The following RNF180 variants were observed in gnomAD, a reference collection of about 807,000 sequenced individuals.
RNF180 encodes E3 ubiquitin-protein ligase RNF180.
Under a neutral mutation model 59.2 loss-of-function variants are expected in RNF180, and 38 were observed. The ratio of observed to expected loss-of-function variants is 0.64; its 90% confidence interval spans 0.50 to 0.84. The LOEUF is 0.84. Ranked by LOEUF, RNF180 falls within the 40% of genes least tolerant of loss-of-function variation. The probability of loss-of-function intolerance (pLI) is 0.00; values close to 1 mark genes in which losing one functional copy is unlikely to be tolerated. For synonymous variants in RNF180, 262 were observed against 240.3 expected, an observed-to-expected ratio of 1.09 and a Z score of -0.84; for missense variants, 705 against 700.9, an observed-to-expected ratio of 1.01 and a Z score of -0.07.
intron 7 of RNF180, among the ~76,000 whole-genome samples, chr5:64,350,071 G>A (rs1745733647): frequency 6.6e-6 from 1 of 152,134 alleles, no homozygotes. Flanking sequence ...ATCCTCCCCA[G>A]AACCTGTTGT....
chr5:64,272,310 A>C (rs1404656125), intron 5 of RNF180, among the ~76,000 whole-genome samples: 1 of 152,072 alleles, frequency 6.6e-6, no homozygotes, highest in East Asian at 1.9e-4. Context: ...AATGAGTAGG[A>C]GTTAACTAGG....
At chr5:64,197,431 C>G (rs1175792285) in intron 1 of RNF180, among the ~76,000 whole-genome samples, 1 of 152,138 alleles carries the variant, frequency 6.6e-6, no homozygotes, top group African/African-American at 2.4e-5. Flanking sequence ...GCCTTTTTCA[C>G]TGTATTGACA....
chr5:64,234,012 G>T (rs1461902164), intron 5 of RNF180, among the ~76,000 whole-genome samples: 4 of 152,218 alleles, frequency 2.6e-5, no homozygotes, highest in African/African-American at 7.2e-5. Context: ...AGTTAGAAAT[G>T]TCAGTAGTTT....
At chr5:64,351,620 T>C (rs187217561) in intron 7 of RNF180, among the ~76,000 whole-genome samples, 4,096 of 151,842 alleles carry the variant, frequency 0.027, 144 homozygotes, top group Non-Finnish European at 0.04. Flanking sequence ...TGAATGGTTG[T>C]TGAATTTTGT....
intron 1 of RNF180, among the ~76,000 whole-genome samples, chr5:64,175,170 T>TTGC (rs906854299): frequency 2.0e-5 from 3 of 152,044 alleles, no homozygotes; most frequent in African/African-American, 7.2e-5. Flanking sequence ...TTTCTCCATG[T>TTGC]TGGTCAGGCT....
At chr5:64,261,283 G>A (rs370748592) in intron 5 of RNF180, among the ~76,000 whole-genome samples, 1 of 152,046 alleles carries the variant, frequency 6.6e-6, no homozygotes, top group African/African-American at 2.4e-5. Flanking sequence ...ATTATAAATG[G>A]TGGCTATACC....
chr5:64,299,552 T>C (rs1051447347), intron 5 of RNF180, among the ~76,000 whole-genome samples: 2 of 152,004 alleles, frequency 1.3e-5, no homozygotes, highest in Admixed American at 1.3e-4. Context: ...AAAAATTGAT[T>C]TAAATATCTA....
chr5:64,301,763 G>A (rs150530845), intron 5 of RNF180, among the ~76,000 whole-genome samples: 54 of 150,414 alleles, frequency 3.6e-4, no homozygotes, highest in African/African-American at 1.3e-3. Flanking sequence ...TCTTGGCAAG[G>A]GTAAAAGTCA....
chr5:64,325,160 GA>G (rs1177939680), intron 5 of RNF180, 25 bp from the exon 6 acceptor site: 11 of 1,464,244 alleles, frequency 7.5e-6, no homozygotes, highest in Middle Eastern at 3.4e-4. Flanking sequence ...ACTAAATTAA[GA>G]AAAAAGTTTT....
At chr5:64,343,461 G>T (rs1004483851) in intron 7 of RNF180, among the ~76,000 whole-genome samples, 2 of 151,948 alleles carry the variant, frequency 1.3e-5, no homozygotes, top group Non-Finnish European at 2.9e-5. Flanking sequence ...TAATTGTCAA[G>T]AATTTTCCAA....
intron 5 of RNF180, among the ~76,000 whole-genome samples, chr5:64,265,123 T>C (rs1267648290): frequency 6.6e-6 from 1 of 152,234 alleles, no homozygotes; most frequent in Non-Finnish European, 1.5e-5. Context: ...ATTCTGGATA[T>C]TAGCCCTCTG....
intron 5 of RNF180, among the ~76,000 whole-genome samples, chr5:64,245,980 T>A (rs1248827267): frequency 6.6e-6 from 1 of 152,164 alleles, no homozygotes; most frequent in Non-Finnish European, 1.5e-5. Context: ...CACAACTACA[T>A]GGCAACTGAA....
In RNF180 at chr5:64,371,270, A is replaced by T. The variant is rs1201717365; in HGVS notation, c.*1456A>T. On this transcript the variant is annotated 3_prime_UTR_variant, in exon 8 of 8. Coordinates refer to ENST00000389100, the MANE Select transcript of RNF180 (RefSeq NM_001113561.2). Reference sequence around the variant, plus strand: ...GAAACACAGATAAATTTATACTTATAAATGGATATTTATAATTACTAATTG... The same window carrying T: ...GAAACACAGATAAATTTATACTTATTAATGGATATTTATAATTACTAATTG... The T allele has an allele frequency of 6.6e-6, 1 of 151,662 alleles. No homozygotes were observed. The highest frequency in any genetic ancestry group is 6.6e-5 in the Admixed American group (1 of 15,168). 9.4% of individuals were successfully genotyped at this position (151,662 alleles called of 1,614,324 possible).
intron 1 of RNF180, among the ~76,000 whole-genome samples, chr5:64,167,433 T>C (rs765023301): frequency 1.3e-5 from 2 of 152,162 alleles, no homozygotes; most frequent in Non-Finnish European, 2.9e-5. Flanking sequence ...ATTTTTTGTG[T>C]GTTTGGTTTT....
intron 5 of RNF180, among the ~76,000 whole-genome samples, chr5:64,257,815 A>G (rs1031270301): frequency 1.3e-5 from 2 of 152,188 alleles, no homozygotes; most frequent in African/African-American, 4.8e-5. Flanking sequence ...CCCACAGTCA[A>G]CATTAGAGAG....
chr5:64,212,144 G>T lies in RNF180; in HGVS notation c.215G>T (p.Ser72Ile). ...GTAGAAGCCCTTCCAGAATGGATAA[G>T]CTGCCTAATCCAAAAAGTAAGTTCT... ...MNVEALPEWI[S>I]CLIQKAQWTV... is the part of the protein sequence containing the mutation. The change falls in exon 3 of 8, where the codon AGC becomes ATC. Residue 72 changes from serine to isoleucine, a missense_variant. By Grantham distance (142) the Ser-to-Ile change is moderately radical. Transcript: ENST00000389100. The T allele has an allele frequency of 6.3e-7, 1 of 1,590,426 alleles. No homozygotes were observed. The highest frequency in any genetic ancestry group is 8.6e-7 in the Non-Finnish European group (1 of 1,158,800).
chr5:64,252,554 T>C (rs965708), intron 5 of RNF180, among the ~76,000 whole-genome samples: 23,985 of 151,982 alleles, frequency 0.16, 2,555 homozygotes, highest in East Asian at 0.59. Flanking sequence ...ACATACAAGG[T>C]TTTTTGTCAA....
Position 64,369,827 on chromosome 5 carries a change from T to C in RNF180, c.*13T>C, listed in dbSNP as rs1417354715. 2 of 1,358,354 alleles carry C rather than the reference T, an allele frequency of 1.5e-6. No individual in the cohort carries two copies. The highest frequency in any genetic ancestry group is 5.8e-5 in the Admixed American group (2 of 34,586). The allele number at this position is 1,358,354 out of a possible 1,614,324, so 84.1% of individuals were successfully genotyped here. ...CTTTCCGTTTTAGGAATTTCATACC[T>C]TACTACAATTGACCAATCATAAATG... is the stretch of plus-strand genomic sequence containing the variant. On this transcript the variant is annotated 3_prime_UTR_variant, in exon 8 of 8. Transcript: ENST00000389100.
intron 5 of RNF180, among the ~76,000 whole-genome samples, chr5:64,284,835 A>C (rs529142615): frequency 2.0e-5 from 3 of 152,348 alleles, no homozygotes; most frequent in African/African-American, 7.2e-5. Flanking sequence ...CAGCCAATTC[A>C]GCCTGCTTAA....
Sources: gnomAD v4.1 joint callset for allele counts (sites outside exome capture counted in the v4.1 genomes callset) on GRCh38, gnomAD v4.1.1 for gene constraint, MANE v1.5 for transcripts, NCBI Gene and HGNC (gene_info 2026-07-23, HGNC 2026-07-21) for gene names.